TMEM63B: variants seen among roughly 807,000 people sequenced by gnomAD.
TMEM63B encodes transmembrane protein 63B.
Under a neutral mutation model 102.6 loss-of-function variants are expected in TMEM63B, and 23 were observed. The observed-to-expected ratio is 0.22, with a 90% CI of 0.16 to 0.32. The LOEUF is 0.32. Ranked by LOEUF, TMEM63B falls within the 10% of genes least tolerant of loss-of-function variation. The pLI is 1.00. For missense variants in TMEM63B, 628 were observed against 1,095.9 expected, an observed-to-expected ratio of 0.57 and a Z score of 6.03; for synonymous variants, 444 against 437.0, an observed-to-expected ratio of 1.02 and a Z score of -0.20.
intron 1 of TMEM63B, 55 bp from the exon 2 acceptor site, chr6:44,134,506 T>C (rs1032006813): frequency 1.3e-6 from 2 of 1,559,116 alleles, no homozygotes; most frequent in Non-Finnish European, 1.7e-6. Flanking sequence ...CCCACCCTAC[T>C]GGGCCATGAA....
intron 15 of TMEM63B, chr6:44,149,374 C>A: frequency 3.2e-6 from 1 of 314,438 alleles, no homozygotes; most frequent in Non-Finnish European, 6.1e-6. Flanking sequence ...CTGGCCTCCC[C>A]TCACCTCTCC....
Position 44,148,731 on chromosome 6 carries a change from G to A in TMEM63B, c.1260-61G>A, listed in dbSNP as rs1179524977. On this transcript the variant is annotated intron_variant, in intron 14 of 23. Coordinates refer to ENST00000323267, the MANE Select transcript of TMEM63B (RefSeq NM_018426.3). This position sits in a 1 kb window ranked among gnomAD's most constrained non-coding sequence, Gnocchi z 5.1. ...TAGGCGGAGGAGAGGGAGTGTCTTG[G>A]TGTCACTGGGGGCCAATCCTGCCCT... The A allele has an allele frequency of 2.3e-5, 37 of 1,611,274 alleles. No individual in the cohort carries two copies. The highest frequency in any genetic ancestry group is 3.1e-5 in the Non-Finnish European group (36 of 1,177,880).
chr6:44,153,534 G>A (rs942460732), intron 20 of TMEM63B, 142 bp from the exon 21 acceptor site: 71 of 821,312 alleles, frequency 8.6e-5, no homozygotes, highest in Non-Finnish European at 1.1e-4. Context: ...GCTGGGGCAC[G>A]GGGCACTATC....
chr6:44,151,469 G>T (rs1447704886), intron 18 of TMEM63B, among the ~76,000 whole-genome samples: 1 of 152,096 alleles, frequency 6.6e-6, no homozygotes, highest in Non-Finnish European at 1.5e-5. Flanking sequence ...CACTCTGGGG[G>T]TAACTCGAGT....
At chr6:44,136,294 T>TC (rs1263187997) in intron 4 of TMEM63B, 55 bp from the exon 5 acceptor site, 6 of 1,503,412 alleles carry the variant, frequency 4.0e-6, no homozygotes, top group South Asian at 1.1e-5. Flanking sequence ...CAGCCCAGCT[T>TC]CCCGGGGGCT....
At chr6:44,136,254 C>A in intron 4 of TMEM63B, 95 bp from the exon 5 acceptor site, 2 of 977,258 alleles carry the variant, frequency 2.0e-6, no homozygotes, top group South Asian at 1.3e-5. Context: ...GCCTTCTGTG[C>A]CTTCTGTAGC....
intron 1 of TMEM63B, among the ~76,000 whole-genome samples, chr6:44,129,465 G>A (rs944627733): frequency 3.3e-5 from 5 of 152,052 alleles, no homozygotes; most frequent in Non-Finnish European, 7.4e-5. Context: ...GGTAACAGAA[G>A]TAAAGAGCTT....
chr6:44,129,365 CA>C (rs11331641), intron 1 of TMEM63B, among the ~76,000 whole-genome samples: 59,469 of 102,758 alleles, frequency 0.58, 13,592 homozygotes, highest in East Asian at 0.77. Context: ...AAGACTGTCT[CA>C]AAAAAAAAAA....
intron 10 of TMEM63B, among the ~76,000 whole-genome samples, chr6:44,141,572 T>C (rs1562125331): frequency 3.3e-5 from 5 of 152,070 alleles, no homozygotes; most frequent in Non-Finnish European, 1.5e-5. Context: ...AGCAGACCTA[T>C]GGCCAGAAAC....
At chr6:44,146,546 G>A (rs932647205) in intron 10 of TMEM63B, among the ~76,000 whole-genome samples, 3 of 152,096 alleles carry the variant, frequency 2.0e-5, no homozygotes, top group South Asian at 2.1e-4. Flanking sequence ...CACCTCCCGG[G>A]TTCGAGCAAT....
chr6:44,140,913 T>C (rs1051090113), intron 9 of TMEM63B, 115 bp from the exon 10 acceptor site: 3 of 866,252 alleles, frequency 3.5e-6, no homozygotes, highest in Non-Finnish European at 5.6e-6. Flanking sequence ...TCTGCTCACC[T>C]ACTTCTCTAC....
chr6:44,152,259 T>G lies in TMEM63B; in HGVS notation c.1836+251T>G, dbSNP rs1766848517. Among the ~76,000 whole-genome samples, 2 of 151,972 alleles carry G rather than the reference T, an allele frequency of 1.3e-5. No homozygotes were observed. Among genetic ancestry groups the G allele is most frequent in the African/African-American group, 4.8e-5 (2 of 41,360 alleles). ...CATTCTATGATGGGAGTTGGGGAGA[T>G]CTGGGTCCCTAGCGCTAGGGTCCCT... On this transcript the variant is annotated intron_variant, in intron 19 of 23. Transcript: ENST00000323267. This position sits in a 1 kb window ranked among gnomAD's most constrained non-coding sequence, Gnocchi z 6.4.
Position 44,151,975 on chromosome 6 carries a change from G to A in TMEM63B, c.1803G>A (p.Ala601=), listed in dbSNP as rs1766733663. The A allele has an allele frequency of 4.3e-6, 7 of 1,611,252 alleles. No individual in the cohort carries two copies. Among genetic ancestry groups the A allele is most frequent in the South Asian group, 3.3e-5 (3 of 90,956 alleles). Residue 601 remains alanine, a synonymous_variant, in exon 19 of 24, where the codon GCG becomes GCA. Transcript: ENST00000323267. ...LLMYMIRLCL[A]RSAAERRNVK... The stretch of plus-strand genomic sequence containing the variant: ...TGTACATGATCCGGCTCTGCCTGGC[G>A]CGCTCGGCCGCCGAGAGGCGCAACG...
At chr6:44,132,626 GT>G (rs1762174086) in intron 1 of TMEM63B, among the ~76,000 whole-genome samples, 1 of 152,084 alleles carries the variant, frequency 6.6e-6, no homozygotes, top group Non-Finnish European at 1.5e-5. Context: ...TGCATCTTAT[GT>G]TTACATACCC....
Position 44,139,488 on chromosome 6 carries a change from A to G in TMEM63B, c.429A>G (p.Lys143=), listed in dbSNP as rs1763791497. The G allele has an allele frequency of 6.2e-7, 1 of 1,613,998 alleles. No individual in the cohort carries two copies. The highest frequency in any genetic ancestry group is 1.1e-5 in the South Asian group (1 of 91,088). ...GCAGGGATGATGAGATCCGGGACAA[A>G]TGTGGGGGCGATGCCGTGCACTACC... ...FRIKDDEIRD[K]CGGDAVHYLS... Residue 143 remains lysine (K), a synonymous_variant, in exon 7 of 24, where the codon AAA becomes AAG. Transcript: ENST00000323267.
At position 44,152,472 on chromosome 6, in the gene TMEM63B, T is replaced by C. The variant is rs1766915493; in HGVS notation, c.1837-121T>C. 6.7e-6 allele frequency: 5 copies of C among 741,354 alleles called. No homozygotes were observed. Among genetic ancestry groups the C allele is most frequent in the Non-Finnish European group, 9.3e-6 (4 of 429,084 alleles). The allele number at this position is 741,354 out of a possible 1,614,324, so 45.9% of individuals were successfully genotyped here. ...CTACCCTACCCTAGACATTAGGTCCTGTTCCCCATGGCTTCTTTTCCGGCC... is the reference window on the plus strand; with the variant it reads ...CTACCCTACCCTAGACATTAGGTCCCGTTCCCCATGGCTTCTTTTCCGGCC... On this transcript the variant is annotated intron_variant, in intron 19 of 23. Transcript: ENST00000323267. This position sits in a 1 kb window ranked among gnomAD's most constrained non-coding sequence, Gnocchi z 6.4.
At chr6:44,140,726 A>C (rs1764065015) in intron 9 of TMEM63B, among the ~76,000 whole-genome samples, 2 of 152,148 alleles carry the variant, frequency 1.3e-5, no homozygotes, top group South Asian at 4.1e-4. Context: ...CTGGGTTCTC[A>C]GGGTCTAAGG....
At chr6:44,141,326 C>A (rs1165900978) in intron 10 of TMEM63B, among the ~76,000 whole-genome samples, 2 of 152,196 alleles carry the variant, frequency 1.3e-5, no homozygotes, top group African/African-American at 4.8e-5. Flanking sequence ...GTGAGTCATT[C>A]AAACCCCCTA....
In TMEM63B at chr6:44,148,438, C is replaced by A; in HGVS notation, c.1121+53C>A. ...TGAGCAGCCCTCCAGGGCTCCCTGA[C>A]CCCTGTGCTCATGGCCTTCTGCCAG... On this transcript the variant is annotated intron_variant, in intron 13 of 23. Coordinates refer to ENST00000323267, the MANE Select transcript of TMEM63B (RefSeq NM_018426.3). The surrounding 1 kb of genome is among the most constrained non-coding windows in gnomAD (Gnocchi z 5.1). 1 of 1,613,234 alleles carries A rather than the reference C, an allele frequency of 6.2e-7. No individual in the cohort carries two copies. Among genetic ancestry groups the A allele is most frequent in the Middle Eastern group, 1.7e-4 (1 of 6,060 alleles).
Sources: gnomAD v4.1 joint callset for allele counts (sites outside exome capture counted in the v4.1 genomes callset) on GRCh38, gnomAD v4.1.1 for gene constraint, Gnocchi (gnomAD v3.1) non-coding constraint, MANE v1.5 for transcripts, NCBI Gene and HGNC (gene_info 2026-07-23, HGNC 2026-07-21) for gene names.